Variants in EIF3H observed in about 807,000 individuals in gnomAD.
EIF3H encodes eIF-3-gamma.
A neutral mutation model predicts 44.2 loss-of-function variants in EIF3H; 26 were observed. The ratio of observed to expected loss-of-function variants is 0.59; its 90% CI spans 0.43 to 0.82. EIF3H has a LOEUF of 0.82. Among genes scored for constraint, EIF3H ranks in the 40% least tolerant of loss-of-function variants. The pLI, the probability that EIF3H is intolerant of heterozygous loss-of-function variation, is 0.00. For synonymous variants in EIF3H, 166 were observed against 151.9 expected, an observed-to-expected ratio of 1.09 and a Z score of -0.68; for missense variants, 359 against 432.8, an observed-to-expected ratio of 0.83 and a Z score of 1.51.
intron 2 of EIF3H, among the ~76,000 whole-genome samples, chr8:116,670,007 C>A (rs566638478): frequency 6.6e-6 from 1 of 152,078 alleles, no homozygotes; most frequent in African/African-American, 2.4e-5. Flanking sequence ...CCATGATAAA[C>A]GACAAATCTG....
intron 1 of EIF3H, among the ~76,000 whole-genome samples, chr8:116,749,224 T>C (rs1815288248): frequency 6.6e-6 from 1 of 152,112 alleles, no homozygotes; most frequent in African/African-American, 2.4e-5. Flanking sequence ...ATCATCTCAA[T>C]GAGAAGGGGA....
At chr8:116,755,828 GTGAGT>G, upstream of EIF3H, 1 of 1,609,240 alleles carries the variant, frequency 6.2e-7, no homozygotes, top group Non-Finnish European at 8.5e-7. Flanking sequence ...AAAGAGAAAC[GTGAGT>G]TACCGGAAGC....
chr8:116,694,320 T>C (rs1814230658), intron 2 of EIF3H, among the ~76,000 whole-genome samples: 3 of 152,232 alleles, frequency 2.0e-5, no homozygotes, highest in Non-Finnish European at 2.9e-5. Flanking sequence ...TCATGTTTTG[T>C]TATAATTTGA....
At chr8:116,679,858 T>TG (rs1477014427) in intron 2 of EIF3H, among the ~76,000 whole-genome samples, 9 of 1,318 alleles carry the variant, frequency 6.8e-3, no homozygotes, top group Non-Finnish European at 8.0e-3. Flanking sequence ...GGGAGGGAGG[T>TG]GGGGGGGGTC....
intron 2 of EIF3H, among the ~76,000 whole-genome samples, chr8:116,665,928 T>G (rs574934966): frequency 1.3e-5 from 2 of 152,348 alleles, no homozygotes; most frequent in South Asian, 4.1e-4. Context: ...TGGAAAGAAT[T>G]ATGGAGTACA....
intron 1 of EIF3H, among the ~76,000 whole-genome samples, chr8:116,745,252 G>A (rs1251941757): frequency 1.3e-5 from 2 of 152,150 alleles, no homozygotes; most frequent in Non-Finnish European, 2.9e-5. Context: ...GAATCCAACA[G>A]TAACTATTAC....
intron 2 of EIF3H, among the ~76,000 whole-genome samples, chr8:116,716,953 A>G (rs1814668469): frequency 6.6e-6 from 1 of 152,116 alleles, no homozygotes; most frequent in African/African-American, 2.4e-5. Flanking sequence ...TACCTCCCCG[A>G]GGTGGATGGC....
intron 1 of EIF3H, among the ~76,000 whole-genome samples, chr8:116,748,705 A>G (rs1261213768): frequency 6.6e-6 from 1 of 152,222 alleles, no homozygotes; most frequent in African/African-American, 2.4e-5. Flanking sequence ...GAAATAAGCA[A>G]CAAGTAAAAA....
chr8:116,650,975 A>T (rs1462557468), intron 5 of EIF3H, among the ~76,000 whole-genome samples: 2 of 152,180 alleles, frequency 1.3e-5, no homozygotes, highest in Non-Finnish European at 1.5e-5. Context: ...ATCTGTAGAG[A>T]TAGAAAGTGA....
Position 116,754,277 on chromosome 8 carries a change from C to T in EIF3H, c.132+1389G>A, listed in dbSNP as rs547595145. 1.2e-4 allele frequency among the ~76,000 whole-genome samples: 19 copies of T among 152,250 alleles called. No individual in the cohort carries two copies. The South Asian group carries it at 1.5e-3, about 12-fold the overall frequency. The stretch of plus-strand genomic sequence containing the variant: ...TACAGGCGCGTGCCAACATGCCCGG[C>T]TAATTTTGTGTTTTTAGTAGAGACG... On this transcript the variant is annotated intron_variant, in intron 1 of 7. Coordinates refer to ENST00000521861, the MANE Select transcript of EIF3H (RefSeq NM_003756.3).
At chr8:116,683,739 G>C (rs1586454725) in intron 2 of EIF3H, among the ~76,000 whole-genome samples, 1 of 152,086 alleles carries the variant, frequency 6.6e-6, no homozygotes, top group East Asian at 1.9e-4. Context: ...CCAAAGTTGG[G>C]TAAAGCAAAA....
Position 116,646,324 on chromosome 8 carries a change from T to C in EIF3H, c.961+147A>G, listed in dbSNP as rs939121830. The C allele has an allele frequency of 1.4e-5, 16 of 1,169,754 alleles. No homozygotes were observed. The African/African-American group carries it at 2.3e-4, about 17-fold the overall frequency. 72.5% of individuals were successfully genotyped at this position (1,169,754 alleles called of 1,614,324 possible). A position where few individuals can be genotyped will look rare whatever the true frequency, so the allele number is the denominator to read the frequency against. On this transcript the variant is annotated intron_variant, in intron 7 of 7. Transcript: ENST00000521861. ...CTTACAAGTTCTTAGATTTCAGATATTACAGGTGCTAGATTCAAATTCATC... is the reference window on the plus strand; with the variant it reads ...CTTACAAGTTCTTAGATTTCAGATACTACAGGTGCTAGATTCAAATTCATC...
chr8:116,717,204 A>G (rs1466287635), intron 2 of EIF3H, among the ~76,000 whole-genome samples: 1 of 152,000 alleles, frequency 6.6e-6, no homozygotes, highest in Non-Finnish European at 1.5e-5. Flanking sequence ...GAGGTGAAAA[A>G]CCTCTACGAG....
At chr8:116,682,643 G>A (rs4876671) in intron 2 of EIF3H, among the ~76,000 whole-genome samples, 82,752 of 151,942 alleles carry the variant, frequency 0.54, 24,490 homozygotes, top group Non-Finnish European at 0.67. Context: ...TATTCCAAGC[G>A]ATCTGTACCT....
In EIF3H at chr8:116,703,962, C is replaced by T. The variant is rs564442160; in HGVS notation, c.289+22054G>A. On this transcript the variant is annotated intron_variant, in intron 2 of 7. Transcript: ENST00000521861. ...GAATCTAATGCCACAGCTTTTCTGACAGGAGGCAGCACTCGTGGTTCTTAA... is the reference window on the plus strand; with the variant it reads ...GAATCTAATGCCACAGCTTTTCTGATAGGAGGCAGCACTCGTGGTTCTTAA... Among the ~76,000 whole-genome samples the T allele has an allele frequency of 8.5e-5, 13 of 152,342 alleles. No homozygotes were observed. In the South Asian group the frequency reaches 2.3e-3, roughly 27 times the overall value.
intron 2 of EIF3H, among the ~76,000 whole-genome samples, chr8:116,725,266 G>A (rs62510183): frequency 8.3e-4 from 126 of 152,278 alleles, no homozygotes; most frequent in Non-Finnish European, 1.4e-3. Flanking sequence ...TGGTGGTTGC[G>A]GGGATGAAAG....
At chr8:116,671,433 C>G (rs1813752229) in intron 2 of EIF3H, among the ~76,000 whole-genome samples, 1 of 152,232 alleles carries the variant, frequency 6.6e-6, no homozygotes, top group South Asian at 2.1e-4. Flanking sequence ...TCCTTTTCCC[C>G]TGAAGAATAT....
At chr8:116,723,627 A>C (rs993020879) in intron 2 of EIF3H, among the ~76,000 whole-genome samples, 26 of 152,246 alleles carry the variant, frequency 1.7e-4, no homozygotes, top group African/African-American at 6.3e-4. Context: ...GGTACTATGA[A>C]GGTGTGTAAG....
At chr8:116,696,699 G>GT (rs1402126653) in intron 2 of EIF3H, among the ~76,000 whole-genome samples, 2 of 151,988 alleles carry the variant, frequency 1.3e-5, no homozygotes, top group Non-Finnish European at 2.9e-5. Flanking sequence ...AAATAGTGGG[G>GT]GTTTTTTTTT....
Sources: gnomAD v4.1 joint callset for allele counts (sites outside exome capture counted in the v4.1 genomes callset) on GRCh38, gnomAD v4.1.1 for gene constraint, MANE v1.5 for transcripts, NCBI Gene and HGNC (gene_info 2026-07-23, HGNC 2026-07-21) for gene names.